The following LCA5L variants were observed in gnomAD, a reference collection of about 807,000 sequenced individuals.
The protein encoded by LCA5L is lebercilin LCA5 like.
A neutral mutation model predicts 45.4 loss-of-function variants in LCA5L; 35 were observed. That is an observed-to-expected ratio of 0.77 (90% confidence interval 0.59 to 1.02). The LOEUF (loss-of-function observed/expected upper bound fraction) is 1.02. Among genes scored for constraint, LCA5L ranks in the 50% least tolerant of loss-of-function variants. LCA5L has a pLI of 0.00. For synonymous variants in LCA5L, 233 were observed against 264.7 expected, an observed-to-expected ratio of 0.88 and a Z score of 1.16; for missense variants, 668 against 761.6, an observed-to-expected ratio of 0.88 and a Z score of 1.45.
intron 10 of LCA5L, among the ~76,000 whole-genome samples, chr21:39,407,246 G>C (rs113222094): frequency 2.0e-5 from 3 of 152,062 alleles, no homozygotes; most frequent in Admixed American, 2.0e-4. Context: ...AAACAAAACA[G>C]AACAGAAGAA....
At position 39,410,002 on chromosome 21, in the gene LCA5L, T is replaced by G; in HGVS notation, c.1259A>C (p.Glu420Ala). The change falls in exon 10 of 11, where the codon GAG becomes GCG. Residue 420 changes from glutamate (E) to alanine (A), a missense_variant. By Grantham distance (107) the Glu-to-Ala change is moderately radical. Transcript: ENST00000288350. ...ACCTTCATATTTTCTCTTAGAATCC[T>G]CTTGCTTTGGTAGTTTATTCACACA... is the stretch of plus-strand genomic sequence containing the variant. ...PHCVNKLPKQ[E>A]DSKRKYEDLS... is the part of the protein sequence containing the mutation. The G allele has an allele frequency of 6.4e-7, 1 of 1,571,210 alleles. No homozygotes were observed. Among genetic ancestry groups the G allele is most frequent in the South Asian group, 1.1e-5 (1 of 88,660 alleles).
chr21:39,415,626 C>A (rs1052310898), intron 7 of LCA5L, among the ~76,000 whole-genome samples: 5 of 152,184 alleles, frequency 3.3e-5, no homozygotes, highest in African/African-American at 1.2e-4. Context: ...AATCAAATAT[C>A]CAGTTTGTTT....
Position 39,409,821 on chromosome 21 carries a change from T to A in LCA5L, c.1282+158A>T, listed in dbSNP as rs932675561. Reference sequence around the variant, plus strand: ...GTTGGCCAGGCTGGTCTCAAACTCTTGACCTCAGGTGATCTGCCTGCCTTG... The same window carrying A: ...GTTGGCCAGGCTGGTCTCAAACTCTAGACCTCAGGTGATCTGCCTGCCTTG... On this transcript the variant is annotated intron_variant, in intron 10 of 10. Coordinates refer to ENST00000288350, the MANE Select transcript of LCA5L (RefSeq NM_152505.4). This position sits in a 1 kb window ranked among gnomAD's most constrained non-coding sequence, Gnocchi z 4.2. Among the ~76,000 whole-genome samples the A allele has an allele frequency of 6.6e-6, 1 of 152,182 alleles. No homozygotes were observed. The highest frequency in any genetic ancestry group is 1.5e-5 in the Non-Finnish European group (1 of 68,036).
At chr21:39,411,183 C>G in intron 8 of LCA5L, 1 of 258,626 alleles carries the variant, frequency 3.9e-6, no homozygotes, top group South Asian at 4.1e-5. Flanking sequence ...CTATTGTGAC[C>G]AAAGGAAAGT....
chr21:39,436,994 A>T (rs1177118593), intron 2 of LCA5L, among the ~76,000 whole-genome samples: 1 of 152,116 alleles, frequency 6.6e-6, no homozygotes, highest in African/African-American at 2.4e-5. Context: ...CATGCTTCAC[A>T]AGGCATGCAT....
intron 7 of LCA5L, among the ~76,000 whole-genome samples, chr21:39,417,978 G>C (rs1034889524): frequency 6.6e-6 from 1 of 152,102 alleles, no homozygotes; most frequent in Non-Finnish European, 1.5e-5. Context: ...GTGTTTGCCA[G>C]GATTGTCTCC....
intron 3 of LCA5L, among the ~76,000 whole-genome samples, chr21:39,434,673 A>G (rs1173561094): frequency 1.3e-5 from 2 of 152,062 alleles, no homozygotes; most frequent in Non-Finnish European, 2.9e-5. Flanking sequence ...ACATACCACC[A>G]TGCCTGGCTA....
intron 10 of LCA5L, among the ~76,000 whole-genome samples, chr21:39,407,007 G>A (rs1321780378): frequency 1.3e-5 from 2 of 152,168 alleles, no homozygotes; most frequent in African/African-American, 4.8e-5. Context: ...CAGGAGGACT[G>A]TTTGAGCCCA....
intron 4 of LCA5L, 95 bp from the exon 5 acceptor site, chr21:39,428,598 A>ATATATATATATATATATATAT (rs1242243392): frequency 3.1e-5 from 1 of 32,034 alleles, no homozygotes; most frequent in African/African-American, 1.0e-4. Context: ...ATATATATAT[A>ATATATATATATATATATATAT]TTTTTTTTTT....
At chr21:39,410,239 C>T in intron 9 of LCA5L, 25 bp downstream of exon 9, 1 of 1,434,510 alleles carries the variant, frequency 7.0e-7, no homozygotes, top group Non-Finnish European at 9.8e-7. Context: ...TAATCAGACA[C>T]TGCAAGATTC....
chr21:39,444,590 G>T (rs2077234541), intron 1 of LCA5L: 1 of 152,348 alleles, frequency 6.6e-6, no homozygotes, highest in Admixed American at 6.5e-5. Flanking sequence ...CTCAAGTGGG[G>T]GAGGGGCAGA....
intron 10 of LCA5L, chr21:39,407,951 A>G (rs546462805): frequency 1.3e-5 from 2 of 152,358 alleles, no homozygotes; most frequent in East Asian, 3.9e-4. Context: ...TTATTTAAAC[A>G]TTATTTGGCC....
chr21:39,412,604 A>G (rs1160921677), intron 7 of LCA5L, among the ~76,000 whole-genome samples: 1 of 151,552 alleles, frequency 6.6e-6, no homozygotes, highest in African/African-American at 2.4e-5. Context: ...GCATGTGCAC[A>G]CACACACACA....
Position 39,410,405 on chromosome 21 carries a change from T to C in LCA5L, c.1061-38A>G, listed in dbSNP as rs867037305. ...TAGATTATATGTAAGAAACATATTT[T>C]ACATTTGGATACAATATTGATTTTA... On this transcript the variant is annotated intron_variant, in intron 8 of 10. Transcript: ENST00000288350. 9 of 1,013,850 alleles carry C rather than the reference T, an allele frequency of 8.9e-6. 1 individual carries two copies. In the Middle Eastern group the frequency reaches 1.7e-3, roughly 192 times the overall value. The allele number at this position is 1,013,850 out of a possible 1,614,324, so 62.8% of individuals were successfully genotyped here.
rs1386856494 is a variant in LCA5L, at chr21:39,410,048, T to C, written c.1213A>G (p.Ile405Val). 6.2e-6 allele frequency: 10 copies of C among 1,611,424 alleles called. No homozygotes were observed. Among genetic ancestry groups the C allele is most frequent in the Non-Finnish European group, 7.6e-6 (9 of 1,178,074 alleles). The change falls in exon 10 of 11, where the codon ATA (isoleucine) becomes GTA (valine). Residue 405 changes from isoleucine to valine, a missense_variant. Ile to Val is a conservative substitution (Grantham distance 29). Coordinates refer to ENST00000288350, the MANE Select transcript of LCA5L (RefSeq NM_152505.4). Reference sequence around the variant, plus strand: ...ACACAGTGAGGAATTTCATGATTTATTTCAGTTGATTTTTCTTTATGATCG... The same window carrying C: ...ACACAGTGAGGAATTTCATGATTTACTTCAGTTGATTTTTCTTTATGATCG... ...NIDHKEKSTE[I>V]NHEIPHCVNK...
chr21:39,445,770 C>G lies in LCA5L; in HGVS notation c.-358G>C, dbSNP rs2148420965. 1 of 152,280 alleles carries G rather than the reference C, an allele frequency of 6.6e-6. No individual in the cohort carries two copies. The highest frequency in any genetic ancestry group is 2.1e-4 in the South Asian group (1 of 4,834). 9.4% of individuals were successfully genotyped at this position (152,280 alleles called of 1,614,324 possible). A position where few individuals can be genotyped will look rare whatever the true frequency, so the allele number is the denominator to read the frequency against. Reference sequence around the variant, plus strand: ...GACTGCGCCAACGCCGCAGCGCCGGCGCGTCCCCATGGAAACCCGCGCGCG... The same window carrying G: ...GACTGCGCCAACGCCGCAGCGCCGGGGCGTCCCCATGGAAACCCGCGCGCG... On this transcript the variant is annotated 5_prime_UTR_variant, in exon 1 of 11. Coordinates refer to ENST00000288350, the MANE Select transcript of LCA5L (RefSeq NM_152505.4).
chr21:39,425,625 G>C (rs2074540464), intron 5 of LCA5L, among the ~76,000 whole-genome samples: 2 of 152,158 alleles, frequency 1.3e-5, no homozygotes. Context: ...TAATACTCTG[G>C]GCACTGGCTA....
At chr21:39,442,827 T>C (rs1874863278) in intron 2 of LCA5L, among the ~76,000 whole-genome samples, 1 of 151,924 alleles carries the variant, frequency 6.6e-6, no homozygotes, top group Non-Finnish European at 1.5e-5. Context: ...TGGAGAAAGG[T>C]AGGAGTCAAG....
rs149253441 is a variant in LCA5L, at chr21:39,427,405, G to A, written c.322+767C>T. 5.4e-3 allele frequency among the ~76,000 whole-genome samples: 817 copies of A among 152,304 alleles called. 9 individuals are homozygous for A. The highest frequency in any genetic ancestry group is 0.018 in the African/African-American group (765 of 41,580). The stretch of plus-strand genomic sequence containing the variant: ...GAGCCGGGCGCGGTGGCTCACGCCT[G>A]TAATCCCAGCACTTTGGGAGGCCGA... On this transcript the variant is annotated intron_variant, in intron 5 of 10. Coordinates refer to ENST00000288350, the MANE Select transcript of LCA5L (RefSeq NM_152505.4).
Sources: gnomAD v4.1 joint callset for allele counts (sites outside exome capture counted in the v4.1 genomes callset) on GRCh38, gnomAD v4.1.1 for gene constraint, Gnocchi (gnomAD v3.1) non-coding constraint, MANE v1.5 for transcripts, NCBI Gene and HGNC (gene_info 2026-07-23, HGNC 2026-07-21) for gene names.